Variants in EEFSEC observed in about 807,000 individuals in gnomAD.
The protein encoded by EEFSEC is eukaryotic elongation factor, selenocysteine-tRNA specific.
Under a neutral mutation model 42.1 loss-of-function variants are expected in EEFSEC, and 43 were observed. That is an observed-to-expected ratio of 1.02 (90% CI 0.80 to 1.32). The LOEUF is 1.32. Among genes scored for constraint, EEFSEC ranks in the 40% most tolerant of loss-of-function variants. The probability of loss-of-function intolerance (pLI) is 0.00; values close to 1 mark genes in which losing one functional copy is unlikely to be tolerated. For missense variants in EEFSEC, 745 were observed against 803.6 expected (o/e 0.93, Z 0.88); for synonymous variants, 354 against 339.1 (o/e 1.04, Z -0.48).
At chr3:128,242,524 T>G (rs1365726519) in intron 1 of EEFSEC, among the ~76,000 whole-genome samples, 2 of 152,170 alleles carry the variant, frequency 1.3e-5, no homozygotes, top group Non-Finnish European at 2.9e-5. Context: ...ATTTTGAGGT[T>G]GCTAAAATAT....
chr3:128,275,521 G>A (rs1559897708), intron 4 of EEFSEC, among the ~76,000 whole-genome samples: 1 of 152,324 alleles, frequency 6.6e-6, no homozygotes, highest in Non-Finnish European at 1.5e-5. Flanking sequence ...GCCCAAGCTG[G>A]CCCTGGGGGA....
intron 1 of EEFSEC, among the ~76,000 whole-genome samples, chr3:128,156,818 C>T (rs1944388965): frequency 6.6e-6 from 1 of 152,222 alleles, no homozygotes; most frequent in Admixed American, 6.5e-5. Context: ...TCAGGCCTCC[C>T]TATTCCCTGA....
intron 4 of EEFSEC, among the ~76,000 whole-genome samples, chr3:128,267,067 A>G (rs193225160): frequency 3.0e-4 from 45 of 152,190 alleles, no homozygotes; most frequent in African/African-American, 9.6e-4. Context: ...AAGAGGTGTC[A>G]AAAGAGGGCT....
chr3:128,160,430 G>T (rs572511812), intron 1 of EEFSEC, among the ~76,000 whole-genome samples: 1 of 152,336 alleles, frequency 6.6e-6, no homozygotes, highest in Non-Finnish European at 1.5e-5. Context: ...GGGTTGGCAG[G>T]GCCAGACCCT....
intron 3 of EEFSEC, among the ~76,000 whole-genome samples, chr3:128,263,340 C>T (rs2066318594): frequency 6.6e-6 from 1 of 152,242 alleles, no homozygotes; most frequent in Non-Finnish European, 1.5e-5. Context: ...AGCTTCACGG[C>T]CCCCCTGCAC....
chr3:128,394,298 G>A (rs2067953426), intron 6 of EEFSEC, among the ~76,000 whole-genome samples: 2 of 152,228 alleles, frequency 1.3e-5, no homozygotes, highest in South Asian at 2.1e-4. Context: ...CTGTCAGCAA[G>A]AGGACAGCCA....
chr3:128,318,169 G>A (rs190025851), intron 4 of EEFSEC, among the ~76,000 whole-genome samples: 3 of 152,366 alleles, frequency 2.0e-5, no homozygotes, highest in East Asian at 3.9e-4. Context: ...CTTGCATGGC[G>A]CCCTCCCGTG....
chr3:128,335,514 G>A (rs886214801), intron 4 of EEFSEC, among the ~76,000 whole-genome samples: 2 of 152,228 alleles, frequency 1.3e-5, no homozygotes, highest in Non-Finnish European at 2.9e-5. Context: ...CCACATGACT[G>A]AAGGGATGTG....
chr3:128,398,845 AG>A (rs2068014358), intron 6 of EEFSEC, among the ~76,000 whole-genome samples: 1 of 151,962 alleles, frequency 6.6e-6, no homozygotes. Context: ...GCCACTCCAC[AG>A]GGTGGGGGAT....
intron 6 of EEFSEC, among the ~76,000 whole-genome samples, chr3:128,399,319 A>G (rs1309426312): frequency 6.6e-6 from 1 of 152,132 alleles, no homozygotes; most frequent in Non-Finnish European, 1.5e-5. Context: ...AGACATCAAA[A>G]TGGGGGTGCG....
chr3:128,383,530 C>A (rs147060744), intron 6 of EEFSEC, among the ~76,000 whole-genome samples: 1 of 152,214 alleles, frequency 6.6e-6, no homozygotes, highest in Admixed American at 6.5e-5. Flanking sequence ...TGTGAAGGCA[C>A]GCAGCTGATC....
chr3:128,295,498 A>G (rs2066694671), intron 4 of EEFSEC, among the ~76,000 whole-genome samples: 1 of 115,166 alleles, frequency 8.7e-6, no homozygotes, highest in Non-Finnish European at 1.6e-5. Flanking sequence ...CAGACCTAGT[A>G]TGATATGTGT....
intron 4 of EEFSEC, among the ~76,000 whole-genome samples, chr3:128,303,502 C>T (rs768757783): frequency 6.6e-6 from 1 of 152,150 alleles, no homozygotes; most frequent in East Asian, 1.9e-4. Flanking sequence ...TGTTTATTGT[C>T]CATTTGCATT....
At chr3:128,369,139 C>T (rs889157750) in intron 6 of EEFSEC, among the ~76,000 whole-genome samples, 4 of 152,200 alleles carry the variant, frequency 2.6e-5, no homozygotes, top group African/African-American at 9.6e-5. Flanking sequence ...ATGACTGGCC[C>T]ACCAGACCCT....
chr3:128,396,180 GTA>G (rs1361507028), intron 6 of EEFSEC, among the ~76,000 whole-genome samples: 1 of 152,202 alleles, frequency 6.6e-6, no homozygotes, highest in African/African-American at 2.4e-5. Flanking sequence ...TTGTGTGTGT[GTA>G]TGTATGTCAT....
intron 1 of EEFSEC, among the ~76,000 whole-genome samples, chr3:128,217,684 C>G (rs9879865): frequency 2.0e-5 from 3 of 151,478 alleles, no homozygotes; most frequent in Non-Finnish European, 4.4e-5. Context: ...TAGCACCAGC[C>G]CCCCCTGGTC....
chr3:128,362,821 C>T (rs981170989), intron 6 of EEFSEC, among the ~76,000 whole-genome samples: 1 of 152,200 alleles, frequency 6.6e-6, no homozygotes, highest in African/African-American at 2.4e-5. Context: ...GTGCTGCTCA[C>T]GTGCCGGGAG....
chr3:128,346,879 T>C (rs2067317832), intron 5 of EEFSEC, among the ~76,000 whole-genome samples: 1 of 152,246 alleles, frequency 6.6e-6, no homozygotes. Flanking sequence ...AACAAAATAA[T>C]ATTCTTTTGA....
chr3:128,370,302 G>C (rs570289017), intron 6 of EEFSEC, among the ~76,000 whole-genome samples: 138 of 152,310 alleles, frequency 9.1e-4, no homozygotes, highest in Non-Finnish European at 1.6e-3. Context: ...TGGTTGTTAG[G>C]AGGTTCAATG....
Sources: gnomAD v4.1 joint callset for allele counts (sites outside exome capture counted in the v4.1 genomes callset) on GRCh38, gnomAD v4.1.1 for gene constraint, MANE v1.5 for transcripts, NCBI Gene and HGNC (gene_info 2026-07-23, HGNC 2026-07-21) for gene names.